The following XKR9 variants were observed in gnomAD, a reference collection of about 807,000 sequenced individuals.
XKR9 encodes XK-related protein 9.
XKR9 carries 32 observed loss-of-function variants against 32.0 expected under a neutral mutation model. The observed-to-expected ratio is 1.00, with a 90% CI of 0.76 to 1.34. The LOEUF is 1.34. Among genes scored for constraint, XKR9 ranks in the 40% most tolerant of loss-of-function variants. The pLI, the probability that XKR9 is intolerant of heterozygous loss-of-function variation, is 0.00. For missense variants in XKR9, 546 were observed against 429.7 expected, an observed-to-expected ratio of 1.27 and a Z score of -2.39; for synonymous variants, 168 against 143.4, an observed-to-expected ratio of 1.17 and a Z score of -1.22.
downstream of XKR9, among the ~76,000 whole-genome samples, chr8:70,793,509 A>G (rs1807791413): frequency 1.3e-5 from 2 of 152,072 alleles, no homozygotes; most frequent in Admixed American, 1.3e-4. Context: ...CACTAGCACA[A>G]ATACCTTCAG....
the XKR9 span, among the ~76,000 whole-genome samples, chr8:70,901,146 T>C: frequency 1.3e-5 from 2 of 152,228 alleles, no homozygotes; most frequent in Non-Finnish European, 2.9e-5. Context: ...TATAGCAGCA[T>C]GATTTATAAT....
chr8:70,843,729 A>G, the XKR9 span, among the ~76,000 whole-genome samples: 1 of 152,174 alleles, frequency 6.6e-6, no homozygotes, highest in Non-Finnish European at 1.5e-5. Context: ...CCATGGGAGC[A>G]GCTTTTGCAG....
At chr8:70,846,019 A>G in the XKR9 span, among the ~76,000 whole-genome samples, 1 of 152,200 alleles carries the variant, frequency 6.6e-6, no homozygotes, top group Non-Finnish European at 1.5e-5. Flanking sequence ...TCAAAAGTCA[A>G]AGACAAAGAG....
chr8:70,877,616 A>G, the XKR9 span, among the ~76,000 whole-genome samples: 2 of 152,214 alleles, frequency 1.3e-5, no homozygotes, highest in African/African-American at 4.8e-5. Flanking sequence ...TAAAGAAAAA[A>G]GAGTAAAAAG....
intron 4 of XKR9, among the ~76,000 whole-genome samples, chr8:70,723,639 C>T (rs539573826): frequency 3.9e-5 from 6 of 152,194 alleles, no homozygotes; most frequent in African/African-American, 9.7e-5. Flanking sequence ...GTATCACCAG[C>T]GGAGGCTGCA....
In XKR9 at chr8:70,741,500, C is replaced by T. The variant is rs572999827; in HGVS notation, n.352+34347C>T. Among the ~76,000 whole-genome samples the T allele has an allele frequency of 1.8e-3, 271 of 152,280 alleles. 3 individuals carry two copies. The highest frequency in any genetic ancestry group is 3.9e-3 in the Admixed American group (60 of 15,298). On this transcript the variant is annotated intron_variant and non_coding_transcript_variant, in intron 2 of 3. Transcript: ENST00000520273. ...GTAAGTGTATTCATATTGTATTTGT[C>T]TTTTGTTACTGGCTTAGTTCGTTGA...
the XKR9 span, among the ~76,000 whole-genome samples, chr8:70,976,203 C>A: frequency 4.6e-5 from 7 of 151,744 alleles, no homozygotes; most frequent in South Asian, 8.3e-4. Context: ...GACAATTTGA[C>A]TTCTACCCTT....
chr8:70,762,461 T>C (rs1264026750), intron 2 of XKR9, among the ~76,000 whole-genome samples: 1 of 152,174 alleles, frequency 6.6e-6, no homozygotes, highest in Non-Finnish European at 1.5e-5. Flanking sequence ...CAGCATTAGA[T>C]TCTCATAGGA....
At chr8:70,951,872 G>GC in the XKR9 span, among the ~76,000 whole-genome samples, 4 of 97,842 alleles carry the variant, frequency 4.1e-5, no homozygotes, top group Admixed American at 1.2e-4. Context: ...ATCATTGGGG[G>GC]GGGGGTGGTT....
intron 4 of XKR9, among the ~76,000 whole-genome samples, chr8:70,720,774 G>T (rs903364267): frequency 8.6e-5 from 13 of 152,020 alleles, no homozygotes; most frequent in African/African-American, 3.1e-4. Context: ...TCTTTTTGTT[G>T]TGTCTCTGCC....
chr8:70,984,244 C>T, the XKR9 span, among the ~76,000 whole-genome samples: 1 of 152,194 alleles, frequency 6.6e-6, no homozygotes, highest in South Asian at 2.1e-4. Context: ...GACCCACTGC[C>T]TCAGAGGTAG....
the XKR9 span, among the ~76,000 whole-genome samples, chr8:71,024,080 G>A: frequency 1.6e-4 from 25 of 152,190 alleles, no homozygotes; most frequent in Non-Finnish European, 7.3e-5. Flanking sequence ...CTCAGGTGGC[G>A]TACATGGGAA....
chr8:70,739,085 A>G (rs557760934), downstream of XKR9, among the ~76,000 whole-genome samples: 2 of 151,950 alleles, frequency 1.3e-5, no homozygotes, highest in South Asian at 4.2e-4. Flanking sequence ...GTCTCCCATT[A>G]TTATTGTGTG....
At chr8:70,846,769 G>A in the XKR9 span, among the ~76,000 whole-genome samples, 18 of 152,064 alleles carry the variant, frequency 1.2e-4, no homozygotes, top group Non-Finnish European at 2.5e-4. Context: ...AATAAAAATA[G>A]TGAAATGAGA....
chr8:70,844,754 A>G, the XKR9 span, among the ~76,000 whole-genome samples: 13 of 152,332 alleles, frequency 8.5e-5, no homozygotes, highest in African/African-American at 3.1e-4. Context: ...ATAGTTAGCA[A>G]CCAGCTGCAT....
the XKR9 span, among the ~76,000 whole-genome samples, chr8:70,919,461 G>C: frequency 6.6e-6 from 1 of 152,172 alleles, no homozygotes; most frequent in African/African-American, 2.4e-5. Flanking sequence ...TAGGGGAAAT[G>C]AGAGAAGACA....
intron 2 of XKR9, among the ~76,000 whole-genome samples, chr8:70,746,455 CATAT>C (rs545970026): frequency 6.8e-6 from 1 of 146,568 alleles, no homozygotes; most frequent in Non-Finnish European, 1.5e-5. Flanking sequence ...ATGTATAAAA[CATAT>C]AAAATATAAT....
chr8:71,019,851 T>C, the XKR9 span, among the ~76,000 whole-genome samples: 14,120 of 152,256 alleles, frequency 0.093, 1,255 homozygotes, highest in East Asian at 0.28. Context: ...AACTCTGTTC[T>C]GAGCCGTATA....
chr8:70,738,925 A>G (rs1404435796), downstream of XKR9, among the ~76,000 whole-genome samples: 3 of 152,100 alleles, frequency 2.0e-5, no homozygotes, highest in Non-Finnish European at 4.4e-5. Flanking sequence ...GTGGTGTGGT[A>G]CTGAAAGAAA....
Sources: allele counts gnomAD v4.1 joint callset (sites outside exome capture counted in the v4.1 genomes callset), GRCh38; gene constraint gnomAD v4.1.1; transcripts MANE v1.5; gene names NCBI Gene and HGNC (gene_info 2026-07-23, HGNC 2026-07-21).